Variants in EEFSEC observed in about 807,000 individuals in gnomAD.
The protein encoded by EEFSEC is eukaryotic elongation factor, selenocysteine-tRNA specific, also known as selenocysteine-specific elongation factor.
EEFSEC carries 43 observed loss-of-function variants against 42.1 expected under a neutral mutation model. That is an observed-to-expected ratio of 1.02 (90% CI 0.80 to 1.32). EEFSEC has a LOEUF of 1.32. Ranked by LOEUF, EEFSEC falls within the 40% of genes most tolerant of loss-of-function variation. The pLI, the probability that EEFSEC is intolerant of heterozygous loss-of-function variation, is 0.00. For synonymous variants in EEFSEC, 354 were observed against 339.1 expected (o/e 1.04, Z -0.48); for missense variants, 745 against 803.6 (o/e 0.93, Z 0.88).
chr3:128,237,893 T>C (rs1239484716), intron 1 of EEFSEC, among the ~76,000 whole-genome samples: 1 of 152,208 alleles, frequency 6.6e-6, no homozygotes, highest in African/African-American at 2.4e-5. Flanking sequence ...TTTGTTCTCC[T>C]TCCTCTCTAT....
chr3:128,177,034 T>C (rs2065356701), intron 1 of EEFSEC, among the ~76,000 whole-genome samples: 1 of 151,142 alleles, frequency 6.6e-6, no homozygotes, highest in African/African-American at 2.4e-5. Context: ...TCTCGCTCTG[T>C]CACCCAGGCT....
Position 128,341,145 on chromosome 3 carries a change from A to C in EEFSEC, c.787-88A>C, listed in dbSNP as rs2067245424. 2.0e-6 allele frequency: 3 copies of C among 1,487,368 alleles called. No individual in the cohort carries two copies. In the Admixed American group the frequency reaches 6.3e-5, roughly 31 times the overall value. 92.1% of individuals were successfully genotyped at this position (1,487,368 alleles called of 1,614,324 possible). A position where few individuals can be genotyped will look rare whatever the true frequency, so the allele number is the denominator to read the frequency against. ...ACGGTGCCTGCAGGTGGTGGTAAGC[A>C]CAGGATTCTCTAGCTGCAGCTCCCC... is the stretch of plus-strand genomic sequence containing the variant. On this transcript the variant is annotated intron_variant, in intron 4 of 6. Transcript: ENST00000254730.
chr3:128,231,378 A>G (rs1192016474), intron 1 of EEFSEC, among the ~76,000 whole-genome samples: 1 of 152,242 alleles, frequency 6.6e-6, no homozygotes, highest in Non-Finnish European at 1.5e-5. Flanking sequence ...CCTTGTGGGA[A>G]GAGCTGAGAT....
At chr3:128,170,053 C>T (rs778829439) in intron 1 of EEFSEC, among the ~76,000 whole-genome samples, 15 of 152,124 alleles carry the variant, frequency 9.9e-5, no homozygotes, top group East Asian at 3.9e-4. Context: ...AGTGTGAAGG[C>T]GTGGGTGCAG....
intron 4 of EEFSEC, among the ~76,000 whole-genome samples, chr3:128,318,834 G>A (rs968993582): frequency 2.0e-5 from 3 of 151,790 alleles, no homozygotes; most frequent in South Asian, 2.1e-4. Context: ...GCCTGGCTTC[G>A]CCACCGAGGG....
chr3:128,353,570 G>T (rs1318863870), intron 5 of EEFSEC, among the ~76,000 whole-genome samples: 2 of 152,258 alleles, frequency 1.3e-5, no homozygotes, highest in Non-Finnish European at 2.9e-5. Context: ...GGATGGGGCT[G>T]CCCAGTGCCC....
chr3:128,392,235 C>T (rs1198076501), intron 6 of EEFSEC, among the ~76,000 whole-genome samples: 1 of 152,218 alleles, frequency 6.6e-6, no homozygotes, highest in Non-Finnish European at 1.5e-5. Flanking sequence ...CCCGTGAGGG[C>T]AGCAGACATT....
chr3:128,230,708 A>G (rs183118096), intron 1 of EEFSEC, among the ~76,000 whole-genome samples: 1 of 152,286 alleles, frequency 6.6e-6, no homozygotes, highest in Non-Finnish European at 1.5e-5. Flanking sequence ...TGAGGCTCAA[A>G]TAGGTAAGGG....
At chr3:128,396,745 C>T (rs1293197219) in intron 6 of EEFSEC, among the ~76,000 whole-genome samples, 1 of 152,210 alleles carries the variant, frequency 6.6e-6, no homozygotes, top group Middle Eastern at 3.2e-3. Context: ...TGATTGTGAA[C>T]TGAGGTTTGC....
At chr3:128,183,377 C>G (rs2065431247) in intron 1 of EEFSEC, among the ~76,000 whole-genome samples, 2 of 152,206 alleles carry the variant, frequency 1.3e-5, no homozygotes, top group Non-Finnish European at 2.9e-5. Flanking sequence ...AGCCCATGAT[C>G]TTGACCACTA....
chr3:128,174,729 C>G (rs1386258065), intron 1 of EEFSEC, among the ~76,000 whole-genome samples: 1 of 152,134 alleles, frequency 6.6e-6, no homozygotes, highest in Non-Finnish European at 1.5e-5. Flanking sequence ...TTAGCAGTAA[C>G]TGTGATACAG....
chr3:128,170,336 G>A (rs2065282506), intron 1 of EEFSEC, among the ~76,000 whole-genome samples: 1 of 152,172 alleles, frequency 6.6e-6, no homozygotes, highest in Non-Finnish European at 1.5e-5. Flanking sequence ...GCGGAGGTGG[G>A]TGGATCACCT....
chr3:128,186,699 C>T (rs1415386431), intron 1 of EEFSEC, among the ~76,000 whole-genome samples: 11 of 152,300 alleles, frequency 7.2e-5, no homozygotes, highest in African/African-American at 2.4e-4. Context: ...TTTGTGTTGG[C>T]ACTCTTAACA....
intron 1 of EEFSEC, among the ~76,000 whole-genome samples, chr3:128,200,208 T>C (rs2065629456): frequency 1.3e-5 from 2 of 152,218 alleles, no homozygotes; most frequent in African/African-American, 4.8e-5. Context: ...ACTCTGGATA[T>C]ATTTATTGTC....
rs954114137 is a variant in EEFSEC, at chr3:128,166,864, G to A, written c.316+13041G>A. The stretch of plus-strand genomic sequence containing the variant: ...GACAGGCTTCTGCTAGTTCCTGGCC[G>A]GATGAGTACAGCATTCCCTCACATA... On this transcript the variant is annotated intron_variant, in intron 1 of 6. Coordinates refer to ENST00000254730, the MANE Select transcript of EEFSEC (RefSeq NM_021937.5). Among the ~76,000 whole-genome samples the A allele has an allele frequency of 1.3e-4, 20 of 152,148 alleles. No individual in the cohort carries two copies. The Middle Eastern group carries it at 0.014, about 104-fold the overall frequency.
Position 128,315,517 on chromosome 3 carries a change from G to A in EEFSEC, c.787-25716G>A, listed in dbSNP as rs572990353. ...GATGTATTGAGCAGAGCCTGTGCCC[G>A]AGGGCCATGCTGAGGCTGCTATGGC... On this transcript the variant is annotated intron_variant, in intron 4 of 6. Transcript: ENST00000254730. Among the ~76,000 whole-genome samples, 39 of 152,316 alleles carry A rather than the reference G, an allele frequency of 2.6e-4. 1 individual carries two copies. The highest frequency in any genetic ancestry group is 3.4e-4 in the Non-Finnish European group (23 of 68,022).
At position 128,153,712 on chromosome 3, in the gene EEFSEC, CCCG is replaced by C; in HGVS notation, c.206_208del (p.Pro69_Glu70delinsGln). On this transcript the variant is annotated inframe_deletion, in exon 1 of 7. Coordinates refer to ENST00000254730, the MANE Select transcript of EEFSEC (RefSeq NM_021937.5). ...GCCCGCGCGCCTGCGGTCGTCTTTG[CCCG>C]AGTTCCAGGCAGCGCCCGAGGCCGA... 6.3e-7 allele frequency: 1 copy of C among 1,586,814 alleles called. No individual in the cohort carries two copies. Among genetic ancestry groups the C allele is most frequent in the Non-Finnish European group, 8.5e-7 (1 of 1,174,838 alleles).
At chr3:128,282,162 G>C (rs922337502) in intron 4 of EEFSEC, among the ~76,000 whole-genome samples, 2 of 152,236 alleles carry the variant, frequency 1.3e-5, no homozygotes, top group African/African-American at 4.8e-5. Context: ...CCTGCTGTGA[G>C]CAGAGTTCTC....
intron 2 of EEFSEC, among the ~76,000 whole-genome samples, chr3:128,258,838 T>A (rs1211987680): frequency 6.6e-6 from 1 of 152,208 alleles, no homozygotes; most frequent in Non-Finnish European, 1.5e-5. Flanking sequence ...TCCCTGATCC[T>A]TGAAGATCAG....
Sources: gnomAD v4.1 joint callset for allele counts (sites outside exome capture counted in the v4.1 genomes callset) on GRCh38, gnomAD v4.1.1 for gene constraint, MANE v1.5 for transcripts, NCBI Gene and HGNC (gene_info 2026-07-23, HGNC 2026-07-21) for gene names.